The following MDGA2 variants were observed in gnomAD, a reference collection of about 807,000 sequenced individuals.
The protein encoded by MDGA2 is MAM domain containing glycosylphosphatidylinositol anchor 2.
In MDGA2, 40 loss-of-function variants were observed where a neutral mutation model predicts 117.8. The observed-to-expected ratio is 0.34, with a 90% CI of 0.26 to 0.44. MDGA2 has a LOEUF of 0.44. Ranked by LOEUF, MDGA2 falls within the 20% of genes least tolerant of loss-of-function variation. MDGA2 has a pLI of 1.00. For synonymous variants in MDGA2, 452 were observed against 439.0 expected (o/e 1.03, Z -0.37); for missense variants, 1,123 against 1,250.6 (o/e 0.90, Z 1.54).
At chr14:47,335,040 C>T (rs1890399532) in intron 1 of MDGA2, among the ~76,000 whole-genome samples, 1 of 151,762 alleles carries the variant, frequency 6.6e-6, no homozygotes, top group South Asian at 2.1e-4. Context: ...TATCCATGAA[C>T]CAACAGCATG....
rs1205215656 is a variant in MDGA2 at position 47,462,144 on chromosome 14, G to A, written c.281-160594C>T. Among the ~76,000 whole-genome samples the A allele has an allele frequency of 2.6e-5, 4 of 152,230 alleles. No individual in the cohort carries two copies. The East Asian group carries it at 5.8e-4, about 22-fold the overall frequency. The stretch of plus-strand genomic sequence containing the variant: ...TGTAACCCCAGCACTTTGGGAGGCC[G>A]AGGCGGGTGGATCACGAGGTCAGGA... On this transcript the variant is annotated intron_variant, in intron 1 of 16. Coordinates refer to ENST00000399232, the MANE Select transcript of MDGA2 (RefSeq NM_001113498.3).
At chr14:47,153,931 A>C (rs551728453) in intron 3 of MDGA2, among the ~76,000 whole-genome samples, 141 of 152,284 alleles carry the variant, frequency 9.3e-4, no homozygotes, top group Non-Finnish European at 6.8e-4. Flanking sequence ...CCTTTGCCAG[A>C]GTTGTGTCAG....
chr14:47,544,346 G>A (rs1895414948), intron 1 of MDGA2, among the ~76,000 whole-genome samples: 13 of 151,948 alleles, frequency 8.6e-5, no homozygotes, highest in Admixed American at 8.5e-4. Flanking sequence ...TGTAGTTATG[G>A]GCTAACAACT....
intron 14 of MDGA2, among the ~76,000 whole-genome samples, chr14:46,868,346 G>T (rs2138347191): frequency 6.6e-6 from 1 of 151,782 alleles, no homozygotes; most frequent in East Asian, 1.9e-4. Context: ...TTTTTTTGGG[G>T]GAGTACTTGA....
At chr14:47,492,135 C>A (rs1252389781) in intron 1 of MDGA2, among the ~76,000 whole-genome samples, 2 of 152,106 alleles carry the variant, frequency 1.3e-5, no homozygotes, top group South Asian at 2.1e-4. Context: ...ATTCCAAGAA[C>A]CCTCAAATGA....
chr14:47,091,116 T>C (rs1594610097), intron 6 of MDGA2, among the ~76,000 whole-genome samples: 1 of 152,304 alleles, frequency 6.6e-6, no homozygotes, highest in East Asian at 1.9e-4. Flanking sequence ...AATTATTTAA[T>C]GATTGAGTAT....
intron 1 of MDGA2, among the ~76,000 whole-genome samples, chr14:47,529,236 T>A (rs1400232473): frequency 6.6e-6 from 1 of 152,154 alleles, no homozygotes; most frequent in African/African-American, 2.4e-5. Context: ...TTTAGCGAGT[T>A]TATTTTCAGA....
At chr14:47,369,319 A>C (rs1891295301) in intron 1 of MDGA2, among the ~76,000 whole-genome samples, 1 of 152,158 alleles carries the variant, frequency 6.6e-6, no homozygotes, top group South Asian at 2.1e-4. Context: ...TAGGAACAAA[A>C]AATAATACAG....
intron 2 of MDGA2, among the ~76,000 whole-genome samples, chr14:47,281,215 T>G (rs961888680): frequency 6.6e-6 from 1 of 151,762 alleles, no homozygotes; most frequent in Non-Finnish European, 1.5e-5. Context: ...TCAATTAGAA[T>G]CTGGACAAGG....
intron 3 of MDGA2, among the ~76,000 whole-genome samples, chr14:47,178,032 C>G (rs1359053309): frequency 6.6e-6 from 1 of 151,972 alleles, no homozygotes; most frequent in Non-Finnish European, 1.5e-5. Context: ...GAAGATTCCC[C>G]TTGGAGTGCA....
At chr14:47,292,770 C>T (rs1363064130) in intron 2 of MDGA2, among the ~76,000 whole-genome samples, 5 of 152,078 alleles carry the variant, frequency 3.3e-5, no homozygotes, top group South Asian at 2.1e-4. Context: ...TCCATTATAG[C>T]GGAAAATGCC....
intron 1 of MDGA2, among the ~76,000 whole-genome samples, chr14:47,567,539 G>C (rs1383851317): frequency 6.6e-6 from 1 of 152,136 alleles, no homozygotes; most frequent in Non-Finnish European, 1.5e-5. Flanking sequence ...GCCTTCATAT[G>C]CAAAACACTT....
chr14:47,134,981 ACT>A (rs1457307157), intron 4 of MDGA2, among the ~76,000 whole-genome samples: 2 of 151,976 alleles, frequency 1.3e-5, no homozygotes, highest in South Asian at 2.1e-4. Context: ...AGTTAATTAT[ACT>A]CTGTCAGTCC....
intron 1 of MDGA2, among the ~76,000 whole-genome samples, chr14:47,363,903 T>C (rs1169614908): frequency 6.6e-6 from 1 of 152,236 alleles, no homozygotes; most frequent in Non-Finnish European, 1.5e-5. Flanking sequence ...ACATATTGCA[T>C]GTCTAACATG....
At chr14:47,561,846 T>C (rs1320868746) in intron 1 of MDGA2, among the ~76,000 whole-genome samples, 1 of 152,224 alleles carries the variant, frequency 6.6e-6, no homozygotes, top group Non-Finnish European at 1.5e-5. Context: ...CCATTTAGCA[T>C]GATGTTAGCT....
intron 1 of MDGA2, among the ~76,000 whole-genome samples, chr14:47,572,259 T>C (rs1418115676): frequency 6.6e-6 from 1 of 152,208 alleles, no homozygotes; most frequent in African/African-American, 2.4e-5. Flanking sequence ...CAATTTTGAC[T>C]TCCATGTGCT....
At chr14:47,418,126 G>T (rs1053352602) in intron 1 of MDGA2, among the ~76,000 whole-genome samples, 4 of 152,046 alleles carry the variant, frequency 2.6e-5, no homozygotes, top group Non-Finnish European at 5.9e-5. Context: ...GCCCAGGCTG[G>T]AGAACAGTGG....
At chr14:47,457,229 T>G (rs1034954199) in intron 1 of MDGA2, among the ~76,000 whole-genome samples, 3 of 152,188 alleles carry the variant, frequency 2.0e-5, no homozygotes, top group Admixed American at 1.3e-4. Context: ...GAAATATTAG[T>G]CACATATCAT....
intron 1 of MDGA2, chr14:47,343,301 T>C (rs1218642688): frequency 9.1e-7 from 1 of 1,102,010 alleles, no homozygotes; most frequent in Admixed American, 4.8e-5. Flanking sequence ...AAGTTCTAAG[T>C]AGTAATGAGA....
Sources: gnomAD v4.1 joint callset for allele counts (sites outside exome capture counted in the v4.1 genomes callset) on GRCh38, gnomAD v4.1.1 for gene constraint, MANE v1.5 for transcripts, NCBI Gene and HGNC (gene_info 2026-07-23, HGNC 2026-07-21) for gene names.